LRP1B: variants seen among roughly 807,000 people sequenced by gnomAD.
The protein encoded by LRP1B is low-density lipoprotein receptor-related protein 1B.
LRP1B carries 217 observed loss-of-function variants against 556.6 expected under a neutral mutation model. The observed-to-expected ratio is 0.39, with a 90% CI of 0.35 to 0.44. The LOEUF is 0.44. LRP1B is among the 20% of genes least tolerant of loss of function. LRP1B has a pLI of 1.00. For synonymous variants in LRP1B, 2,047 were observed against 1,865.8 expected (o/e 1.10, Z -2.50); for missense variants, 5,053 against 5,620.8 (o/e 0.90, Z 3.23).
intron 2 of LRP1B, among the ~76,000 whole-genome samples, chr2:141,647,131 T>G (rs975314616): frequency 6.6e-6 from 1 of 152,188 alleles, no homozygotes; most frequent in Non-Finnish European, 1.5e-5. Context: ...AGAAAATTAC[T>G]GATTTTGTAT....
chr2:141,867,512 T>C (rs1698450303), intron 1 of LRP1B, among the ~76,000 whole-genome samples: 1 of 152,116 alleles, frequency 6.6e-6, no homozygotes, highest in Non-Finnish European at 1.5e-5. Context: ...ATCTTACAAG[T>C]CCGAGAGGAC....
intron 7 of LRP1B, among the ~76,000 whole-genome samples, chr2:141,145,723 G>A (rs908511946): frequency 6.6e-5 from 10 of 151,422 alleles, no homozygotes; most frequent in East Asian, 2.0e-4. Context: ...AGTAGAGACC[G>A]GGTTTCATCG....
intron 20 of LRP1B, among the ~76,000 whole-genome samples, chr2:140,924,590 G>A (rs1694834144): frequency 6.6e-6 from 1 of 152,012 alleles, no homozygotes; most frequent in African/African-American, 2.4e-5. Flanking sequence ...AGTTCCATTG[G>A]TCAAAAACAT....
At chr2:141,825,803 A>C (rs1465148674) in intron 1 of LRP1B, among the ~76,000 whole-genome samples, 1 of 152,194 alleles carries the variant, frequency 6.6e-6, no homozygotes, top group Non-Finnish European at 1.5e-5. Flanking sequence ...TAACATTTTA[A>C]TATTAACAGA....
chr2:140,547,971 A>G (rs2105039401), intron 43 of LRP1B, among the ~76,000 whole-genome samples: 2 of 152,166 alleles, frequency 1.3e-5, no homozygotes, highest in Admixed American at 1.3e-4. Context: ...AAAAAAAAAA[A>G]AAGAAACTTT....
intron 60 of LRP1B, among the ~76,000 whole-genome samples, chr2:140,468,871 G>A (rs1330398433): frequency 2.0e-5 from 3 of 152,130 alleles, no homozygotes; most frequent in South Asian, 2.1e-4. Context: ...TTTTTGGAAT[G>A]GAAATGTTTA....
intron 35 of LRP1B, among the ~76,000 whole-genome samples, chr2:140,758,673 A>G (rs1209271551): frequency 6.6e-6 from 1 of 152,060 alleles, no homozygotes; most frequent in African/African-American, 2.4e-5. Flanking sequence ...GTATGCAAAT[A>G]TACTCATTAG....
At chr2:141,979,114 C>A (rs1297387075) in intron 1 of LRP1B, among the ~76,000 whole-genome samples, 2 of 151,994 alleles carry the variant, frequency 1.3e-5, no homozygotes, top group Non-Finnish European at 2.9e-5. Context: ...CTTAAATCTA[C>A]TTGCTATGAA....
chr2:141,976,583 AAG>A (rs1701894166), intron 1 of LRP1B, among the ~76,000 whole-genome samples: 1 of 152,098 alleles, frequency 6.6e-6, no homozygotes, highest in Admixed American at 6.6e-5. Context: ...CCTCAATACA[AAG>A]AGCATATATT....
chr2:140,935,549 C>T (rs1246728197), intron 20 of LRP1B, among the ~76,000 whole-genome samples: 5 of 151,956 alleles, frequency 3.3e-5, no homozygotes, highest in Non-Finnish European at 5.9e-5. Context: ...TTGCAGGGCA[C>T]CATGAAGAAG....
At chr2:141,773,843 A>G (rs1215651563) in intron 2 of LRP1B, among the ~76,000 whole-genome samples, 3 of 152,248 alleles carry the variant, frequency 2.0e-5, no homozygotes, top group Non-Finnish European at 4.4e-5. Context: ...TCAAGTAGAA[A>G]CAAAGAATAT....
At chr2:141,103,354 G>T (rs1213053410) in intron 7 of LRP1B, among the ~76,000 whole-genome samples, 1 of 151,954 alleles carries the variant, frequency 6.6e-6, no homozygotes, top group Non-Finnish European at 1.5e-5. Flanking sequence ...TTATTTAAAA[G>T]ACTTGTTTTA....
chr2:141,833,615 T>A (rs1191739502), intron 1 of LRP1B, among the ~76,000 whole-genome samples: 2 of 151,812 alleles, frequency 1.3e-5, no homozygotes, highest in African/African-American at 4.8e-5. Flanking sequence ...ACAATAACAA[T>A]TTAGCAATGA....
At chr2:141,259,806 CT>C (rs1684618606) in intron 3 of LRP1B, among the ~76,000 whole-genome samples, 1 of 152,088 alleles carries the variant, frequency 6.6e-6, no homozygotes, top group Admixed American at 6.5e-5. Flanking sequence ...TAGAAACTAC[CT>C]CATAAGCTTG....
At chr2:140,731,020 A>C (rs1457052672) in intron 35 of LRP1B, among the ~76,000 whole-genome samples, 1 of 152,100 alleles carries the variant, frequency 6.6e-6, no homozygotes, top group Admixed American at 6.5e-5. Context: ...TCCCTAGTAC[A>C]CACGCAACAT....
chr2:140,647,766 G>A (rs6743810), intron 41 of LRP1B, among the ~76,000 whole-genome samples: 6,077 of 152,202 alleles, frequency 0.04, 311 homozygotes, highest in African/African-American at 0.12. Context: ...TTAGAATGGC[G>A]ATCATTAAAA....
At chr2:141,682,431 A>G (rs1691138906) in intron 2 of LRP1B, among the ~76,000 whole-genome samples, 2 of 152,086 alleles carry the variant, frequency 1.3e-5, no homozygotes, top group African/African-American at 2.4e-5. Flanking sequence ...AATTGGCCTG[A>G]CAGTCAGGAA....
chr2:140,454,276 G>C (rs1484116903), intron 62 of LRP1B, among the ~76,000 whole-genome samples: 1 of 152,044 alleles, frequency 6.6e-6, no homozygotes, highest in Non-Finnish European at 1.5e-5. Context: ...ACCCTCCCAA[G>C]TAGCTGGGAT....
intron 2 of LRP1B, among the ~76,000 whole-genome samples, chr2:141,492,090 A>AC (rs1683355984): frequency 2.3e-5 from 3 of 132,980 alleles, no homozygotes; most frequent in Non-Finnish European, 3.2e-5. Context: ...AAAAAAAAAA[A>AC]ACACTAAGAA....
Sources: gnomAD v4.1 joint callset for allele counts (sites outside exome capture counted in the v4.1 genomes callset) on GRCh38, gnomAD v4.1.1 for gene constraint, MANE v1.5 for transcripts, NCBI Gene and HGNC (gene_info 2026-07-23, HGNC 2026-07-21) for gene names.